Variants in BDP1 observed in about 807,000 individuals in gnomAD.
BDP1 encodes the protein BDP1 general transcription factor IIIB subunit.
BDP1 carries 169 observed loss-of-function variants against 266.6 expected under a neutral mutation model. The ratio of observed to expected loss-of-function variants is 0.63; its 90% CI spans 0.56 to 0.72. BDP1 has a LOEUF of 0.72. Among genes scored for constraint, BDP1 ranks in the 30% least tolerant of loss-of-function variants. BDP1 has a pLI of 0.00. For synonymous variants in BDP1, 1,090 were observed against 1,022.4 expected (o/e 1.07, Z -1.26); for missense variants, 3,015 against 3,053.8 (o/e 0.99, Z 0.30).
At chr5:71,484,350 A>G (rs1434078766) in intron 8 of BDP1, among the ~76,000 whole-genome samples, 1 of 152,230 alleles carries the variant, frequency 6.6e-6, no homozygotes, top group Non-Finnish European at 1.5e-5. Context: ...GATAAATGGC[A>G]GATGAGAATC....
At chr5:71,490,837 A>G (rs1763541479) in intron 10 of BDP1, 147 bp from the exon 11 acceptor site, 2 of 719,510 alleles carry the variant, frequency 2.8e-6, no homozygotes, top group Admixed American at 7.5e-5. Flanking sequence ...ATTATGGTCT[A>G]AAAATAAGAT....
In BDP1 at chr5:71,455,683, G is replaced by A; in HGVS notation, c.-195G>A. ...AAATTTAGCCATCGGTGTGTGGCAG[G>A]GTCATGAAAAAGCGGCGGCGGCGGG... On this transcript the variant is annotated 5_prime_UTR_variant, in exon 1 of 39. Coordinates refer to ENST00000358731, the MANE Select transcript of BDP1 (RefSeq NM_018429.3). 2 of 604,560 alleles carry A rather than the reference G, an allele frequency of 3.3e-6. No homozygotes were observed. The highest frequency in any genetic ancestry group is 5.5e-5 in the East Asian group (2 of 36,134). The allele number at this position is 604,560 out of a possible 1,614,324, so 37.4% of individuals were successfully genotyped here.
chr5:71,458,992 C>CAAGAAGGG, intron 2 of BDP1, 137 bp downstream of exon 2: 1 of 739,334 alleles, frequency 1.4e-6, no homozygotes, highest in Non-Finnish European at 2.2e-6. Context: ...AACATCCCTT[C>CAAGAAGGG]TTGTTAATGG....
chr5:71,544,917 A>G, intron 31 of BDP1, 122 bp from the exon 32 acceptor site: 1 of 681,936 alleles, frequency 1.5e-6, no homozygotes, highest in Non-Finnish European at 2.5e-6. Context: ...GTCCTATTGC[A>G]TTAAATATGT....
At chr5:71,491,514 G>A (rs1033470766) in intron 11 of BDP1, among the ~76,000 whole-genome samples, 1 of 151,664 alleles carries the variant, frequency 6.6e-6, no homozygotes, top group African/African-American at 2.4e-5. Context: ...ATTTTATTTT[G>A]TAATATAAAA....
intron 15 of BDP1, among the ~76,000 whole-genome samples, 158 bp from the exon 16 acceptor site, chr5:71,504,463 T>G (rs1228452429): frequency 6.6e-6 from 1 of 152,174 alleles, no homozygotes; most frequent in Non-Finnish European, 1.5e-5. Context: ...TGAAATTTTC[T>G]AAGATAGCTA....
At position 71,567,727 on chromosome 5, in the gene BDP1, A is replaced by C. The variant is rs1212078700; in HGVS notation, c.*2842A>C. 6.6e-6 allele frequency: 1 copy of C among 152,602 alleles called. No homozygotes were observed. The highest frequency in any genetic ancestry group is 6.5e-5 in the Admixed American group (1 of 15,276). The allele number at this position is 152,602 out of a possible 1,614,324, so 9.5% of individuals were successfully genotyped here. A position where few individuals can be genotyped will look rare whatever the true frequency, so the allele number is the denominator to read the frequency against. ...CTTGCTTGAAGAAGTCTTTGACAGA[A>C]AAAGCAATATCATGTCATTTATAAA... On this transcript the variant is annotated 3_prime_UTR_variant, in exon 39 of 39. Coordinates refer to ENST00000358731, the MANE Select transcript of BDP1 (RefSeq NM_018429.3).
the BDP1 span, among the ~76,000 whole-genome samples, chr5:71,576,028 C>T: frequency 6.6e-5 from 10 of 152,160 alleles, no homozygotes; most frequent in South Asian, 2.1e-4. Context: ...ACCAGAGTCA[C>T]GACGACATCA....
At chr5:71,509,328 C>T in intron 16 of BDP1, 137 bp from the exon 17 acceptor site, 47 of 871,060 alleles carry the variant, frequency 5.4e-5, no homozygotes, top group Middle Eastern at 4.0e-4. Context: ...TAAATTTTAC[C>T]CAGCGATTCC....
chr5:71,458,470 T>C (rs1761332879), intron 1 of BDP1, 109 bp from the exon 2 acceptor site: 1 of 810,442 alleles, frequency 1.2e-6, no homozygotes, highest in East Asian at 2.6e-5. Flanking sequence ...TAATTTTTTT[T>C]TTTTAATTAC....
chr5:71,526,878 G>T (rs1236348208), intron 25 of BDP1, among the ~76,000 whole-genome samples: 2 of 151,846 alleles, frequency 1.3e-5, no homozygotes, highest in African/African-American at 2.4e-5. Context: ...TAGAGGCAGG[G>T]TTTTACCATG....
At chr5:71,487,538 C>T (rs761646547) in intron 9 of BDP1, among the ~76,000 whole-genome samples, 19 of 152,064 alleles carry the variant, frequency 1.2e-4, no homozygotes, top group Non-Finnish European at 1.9e-4. Flanking sequence ...CCACCGTGCC[C>T]GGCCCTTTGT....
intron 35 of BDP1, among the ~76,000 whole-genome samples, chr5:71,553,831 G>C (rs1743028594): frequency 6.6e-6 from 1 of 152,076 alleles, no homozygotes; most frequent in Admixed American, 6.5e-5. Flanking sequence ...TCACTTTCTG[G>C]CCACACTGGC....
the BDP1 span, among the ~76,000 whole-genome samples, chr5:71,574,057 A>C: frequency 2.0e-5 from 3 of 152,222 alleles, no homozygotes; most frequent in South Asian, 4.1e-4. Flanking sequence ...AAATTTCCTC[A>C]GAGCTTGTCA....
chr5:71,491,281 G>C (rs757668914), intron 11 of BDP1, 150 bp downstream of exon 11: 26 of 688,618 alleles, frequency 3.8e-5, no homozygotes, highest in Non-Finnish European at 5.7e-5. Context: ...TCTGTTGTTA[G>C]GTGTGTACAT....
chr5:71,544,859 G>A (rs190300781), intron 31 of BDP1, among the ~76,000 whole-genome samples, 180 bp from the exon 32 acceptor site: 2,693 of 113,864 alleles, frequency 0.024, 67 homozygotes, highest in Admixed American at 0.11. Flanking sequence ...CAGCCTGGGC[G>A]ACAGAGTGAG....
At position 71,544,330 on chromosome 5, in the gene BDP1, A is replaced by G. The variant is rs764732124; in HGVS notation, c.6413-27A>G. The G allele has an allele frequency of 3.8e-6, 6 of 1,599,044 alleles. No homozygotes were observed. In the Admixed American group the frequency reaches 7.0e-5, roughly 19 times the overall value. On this transcript the variant is annotated intron_variant, in intron 30 of 38. Transcript: ENST00000358731. ...GATTTTAGCTGTATTATTTTGGTCT[A>G]TATCGTAAGTGTGCTTTTTGTTTAA...
Position 71,470,429 on chromosome 5 carries a change from A to G in BDP1, c.954A>G (p.Val318=), listed in dbSNP as rs2150364616. The G allele has an allele frequency of 6.2e-7, 1 of 1,612,372 alleles. No homozygotes were observed. The highest frequency in any genetic ancestry group is 2.2e-5 in the East Asian group (1 of 44,848). Residue 318 remains valine (V), a synonymous_variant, in exon 7 of 39, where the codon GTA becomes GTG. Coordinates refer to ENST00000358731, the MANE Select transcript of BDP1 (RefSeq NM_018429.3). ...TDMFFLAISM[V]GTDFSMIGQL... is the part of the protein sequence containing the mutation. ...TGTTTTTTTTAGCCATCAGCATGGTAGGAACTGACTTTTCTATGATCGGAC... is the reference window on the plus strand; with the variant it reads ...TGTTTTTTTTAGCCATCAGCATGGTGGGAACTGACTTTTCTATGATCGGAC...
rs1364929596 is a variant in BDP1, at chr5:71,539,195, A to AT, written c.5929+119dup. On this transcript the variant is annotated intron_variant, in intron 27 of 38. Coordinates refer to ENST00000358731, the MANE Select transcript of BDP1 (RefSeq NM_018429.3). ...GAGAGTTTAACAAAAAGATTCAGCT[A>AT]TTGAATGTGTTGTCTCTGTGAGAAA... is the stretch of plus-strand genomic sequence containing the variant. The AT allele has an allele frequency of 1.2e-5, 8 of 686,012 alleles. No individual in the cohort carries two copies. In the African/African-American group the frequency reaches 1.5e-4, roughly 13 times the overall value. The allele number at this position is 686,012 out of a possible 1,614,324, so 42.5% of individuals were successfully genotyped here. A position where few individuals can be genotyped will look rare whatever the true frequency, so the allele number is the denominator to read the frequency against.
Sources: gnomAD v4.1 joint callset for allele counts (sites outside exome capture counted in the v4.1 genomes callset) on GRCh38, gnomAD v4.1.1 for gene constraint, MANE v1.5 for transcripts, NCBI Gene and HGNC (gene_info 2026-07-23, HGNC 2026-07-21) for gene names.